Variants in BTRC observed in about 807,000 individuals in gnomAD.
The protein encoded by BTRC is beta-transducin repeat containing E3 ubiquitin protein ligase.
In BTRC, 42 loss-of-function variants were observed where a neutral mutation model predicts 85.5. The observed-to-expected ratio is 0.49, with a 90% CI of 0.38 to 0.64. The LOEUF is 0.64. Among genes scored for constraint, BTRC ranks in the 30% least tolerant of loss-of-function variants. The probability of loss-of-function intolerance (pLI) is 0.00; values close to 1 mark genes in which losing one functional copy is unlikely to be tolerated. For missense variants in BTRC, 594 were observed against 743.5 expected (o/e 0.80, Z 2.34); for synonymous variants, 255 against 263.3 (o/e 0.97, Z 0.30).
chr10:101,517,113 C>T (rs1477132631), intron 4 of BTRC, among the ~76,000 whole-genome samples: 1 of 152,116 alleles, frequency 6.6e-6, no homozygotes, highest in Non-Finnish European at 1.5e-5. Flanking sequence ...CCTAAACTCC[C>T]CCAAGGCCTG....
intron 1 of BTRC, among the ~76,000 whole-genome samples, chr10:101,429,517 T>G (rs1160562457): frequency 2.9e-5 from 1 of 34,358 alleles, no homozygotes. Flanking sequence ...CCCCCTCCCC[T>G]CCCTCCCTTC....
intron 2 of BTRC, among the ~76,000 whole-genome samples, chr10:101,455,852 A>T (rs1265751113): frequency 6.6e-6 from 1 of 152,108 alleles, no homozygotes; most frequent in Non-Finnish European, 1.5e-5. Context: ...TAGAATGATG[A>T]TTCTAATGGC....
At chr10:101,467,924 T>C (rs1192850842) in intron 3 of BTRC, among the ~76,000 whole-genome samples, 1 of 152,220 alleles carries the variant, frequency 6.6e-6, no homozygotes, top group Non-Finnish European at 1.5e-5. Flanking sequence ...TTAAAGGTAA[T>C]TAATGTAGGT....
In BTRC at chr10:101,390,021, A is replaced by G. The variant is rs80092411; in HGVS notation, c.48+35793A>G. On this transcript the variant is annotated intron_variant, in intron 1 of 14. Coordinates refer to ENST00000370187, the MANE Select transcript of BTRC (RefSeq NM_033637.4). ...GTTTATCCTTTATATCTCAGTTCTA[A>G]TCACCTACTTAGAGCCTACCCTATC... is the stretch of plus-strand genomic sequence containing the variant. Among the ~76,000 whole-genome samples, 445 of 152,226 alleles carry G rather than the reference A, an allele frequency of 2.9e-3. 2 individuals are homozygous for G. The highest frequency in any genetic ancestry group is 0.01 in the African/African-American group (431 of 41,518).
At chr10:101,421,686 T>C (rs946535620) in intron 1 of BTRC, among the ~76,000 whole-genome samples, 7 of 143,230 alleles carry the variant, frequency 4.9e-5, no homozygotes, top group Non-Finnish European at 9.0e-5. Flanking sequence ...AGTGTTTTCA[T>C]TGTTCAATTC....
At chr10:101,535,224 G>T in intron 10 of BTRC, 130 bp from the exon 11 acceptor site, 1 of 795,604 alleles carries the variant, frequency 1.3e-6, no homozygotes, top group Non-Finnish European at 2.1e-6. Context: ...ATTGTCCTTT[G>T]TTTTATTTGT....
At chr10:101,483,644 C>G (rs1249938890) in intron 4 of BTRC, among the ~76,000 whole-genome samples, 1 of 151,864 alleles carries the variant, frequency 6.6e-6, no homozygotes, top group Non-Finnish European at 1.5e-5. Context: ...ATAACTTAAT[C>G]CAAGTAATAT....
intron 4 of BTRC, among the ~76,000 whole-genome samples, chr10:101,518,259 T>C (rs546463092): frequency 1.3e-5 from 2 of 152,176 alleles, no homozygotes; most frequent in Non-Finnish European, 2.9e-5. Flanking sequence ...CCATATAGTT[T>C]TAAAGGACCA....
At chr10:101,371,428 C>T (rs948763887) in intron 1 of BTRC, among the ~76,000 whole-genome samples, 3 of 152,186 alleles carry the variant, frequency 2.0e-5, no homozygotes, top group Non-Finnish European at 2.9e-5. Flanking sequence ...CCGCCCGCCT[C>T]GGCCTCCCAA....
At chr10:101,470,117 T>A (rs1314629094) in intron 3 of BTRC, among the ~76,000 whole-genome samples, 1 of 152,206 alleles carries the variant, frequency 6.6e-6, no homozygotes, top group African/African-American at 2.4e-5. Context: ...TTGTGAAGTA[T>A]CTTTTAAGTT....
At chr10:101,414,606 A>G (rs766620388) in intron 1 of BTRC, 5 of 514,000 alleles carry the variant, frequency 9.7e-6, no homozygotes, top group South Asian at 7.1e-5. Context: ...AGAAAAAGGC[A>G]TTGATGTCAT....
intron 1 of BTRC, among the ~76,000 whole-genome samples, chr10:101,409,395 T>C (rs765617294): frequency 1.3e-5 from 2 of 152,238 alleles, no homozygotes; most frequent in Admixed American, 6.5e-5. Flanking sequence ...ATAGCATTTA[T>C]TAGTAGTTTA....
intron 1 of BTRC, among the ~76,000 whole-genome samples, chr10:101,418,862 C>A (rs1564760360): frequency 6.6e-6 from 1 of 152,086 alleles, no homozygotes; most frequent in Non-Finnish European, 1.5e-5. Flanking sequence ...CCTGACCCGC[C>A]CTCCTGGCAA....
intron 2 of BTRC, among the ~76,000 whole-genome samples, chr10:101,451,145 C>A (rs1308887482): frequency 4.6e-5 from 7 of 152,136 alleles, no homozygotes; most frequent in East Asian, 1.9e-4. Flanking sequence ...GGTATAATTT[C>A]TGTGCCAGGA....
intron 1 of BTRC, among the ~76,000 whole-genome samples, chr10:101,394,878 C>T (rs1422456041): frequency 2.6e-5 from 4 of 152,104 alleles, no homozygotes; most frequent in Non-Finnish European, 5.9e-5. Flanking sequence ...CTGCTTATAG[C>T]GGACAGCCCT....
chr10:101,360,077 C>T (rs1942156939), intron 1 of BTRC, among the ~76,000 whole-genome samples: 1 of 151,920 alleles, frequency 6.6e-6, no homozygotes. Flanking sequence ...TTAATTGAGA[C>T]AGGGTCTCAC....
chr10:101,361,960 A>AT (rs1185042843), intron 1 of BTRC, among the ~76,000 whole-genome samples: 2 of 151,502 alleles, frequency 1.3e-5, no homozygotes, highest in East Asian at 3.9e-4. Context: ...TGAGTTGGAT[A>AT]TTTTTTTTTC....
chr10:101,389,107 T>C (rs1017436433), intron 1 of BTRC, among the ~76,000 whole-genome samples: 12 of 91,332 alleles, frequency 1.3e-4, no homozygotes, highest in African/African-American at 6.0e-4. Flanking sequence ...ATAATTGTGA[T>C]TTTTTGTGTG....
intron 1 of BTRC, among the ~76,000 whole-genome samples, chr10:101,356,853 C>T (rs1034581641): frequency 4.6e-5 from 7 of 152,076 alleles, no homozygotes; most frequent in Non-Finnish European, 7.4e-5. Flanking sequence ...GAAGATAGGC[C>T]GGGTGCGGTG....
Sources: gnomAD v4.1 joint callset for allele counts (sites outside exome capture counted in the v4.1 genomes callset) on GRCh38, gnomAD v4.1.1 for gene constraint, MANE v1.5 for transcripts, NCBI Gene and HGNC (gene_info 2026-07-23, HGNC 2026-07-21) for gene names.